The following DRC8 variants were observed in gnomAD, a reference collection of about 807,000 sequenced individuals.
DRC8 encodes the protein dynein regulatory complex subunit 8.
At chr1:245,100,706 T>G in the DRC8 span, among the ~76,000 whole-genome samples, 2 of 151,396 alleles carry the variant, frequency 1.3e-5, no homozygotes, top group South Asian at 4.2e-4. Context: ...ACCTGATCCT[T>G]GGGAGGTTGA....
At chr1:244,981,311 A>G in the DRC8 span, among the ~76,000 whole-genome samples, 1 of 152,306 alleles carries the variant, frequency 6.6e-6, no homozygotes, top group African/African-American at 2.4e-5. Context: ...TGAAAGCACA[A>G]TTGCAAAATC....
chr1:245,113,468 A>C, the DRC8 span, among the ~76,000 whole-genome samples: 1 of 152,186 alleles, frequency 6.6e-6, no homozygotes, highest in Non-Finnish European at 1.5e-5. Flanking sequence ...TGTGCTCTGC[A>C]CTGTGCTAAG....
chr1:245,109,997 C>A, the DRC8 span, among the ~76,000 whole-genome samples: 1 of 152,186 alleles, frequency 6.6e-6, no homozygotes, highest in Non-Finnish European at 1.5e-5. Context: ...TCTGACTTCC[C>A]TTTTAAACCA....
chr1:245,045,058 C>T, the DRC8 span, among the ~76,000 whole-genome samples: 2 of 152,154 alleles, frequency 1.3e-5, no homozygotes, highest in East Asian at 1.9e-4. Context: ...CCCAGGCTGC[C>T]GTGTGATGGC....
At chr1:245,116,912 G>GACATATCAGAT in the DRC8 span, among the ~76,000 whole-genome samples, 1 of 152,160 alleles carries the variant, frequency 6.6e-6, no homozygotes, top group Non-Finnish European at 1.5e-5. Flanking sequence ...GATTTTATCT[G>GACATATCAGAT]ACATTCAGAA....
chr1:245,056,817 G>A, the DRC8 span, among the ~76,000 whole-genome samples: 5 of 150,966 alleles, frequency 3.3e-5, no homozygotes, highest in Non-Finnish European at 5.9e-5. Context: ...CATGCCTGTA[G>A]TCCCAGCTAC....
the DRC8 span, among the ~76,000 whole-genome samples, chr1:245,116,583 C>T: frequency 1.3e-5 from 2 of 152,104 alleles, no homozygotes. Flanking sequence ...AAGAAACTCT[C>T]CAGGGCAAGA....
At chr1:245,029,818 A>AC in the DRC8 span, among the ~76,000 whole-genome samples, 1 of 148,796 alleles carries the variant, frequency 6.7e-6, no homozygotes, top group Non-Finnish European at 1.5e-5. Context: ...CTGGTCTCGA[A>AC]CTCCTGGCCT....
chr1:245,029,446 CG>C, the DRC8 span, among the ~76,000 whole-genome samples: 2 of 149,444 alleles, frequency 1.3e-5, no homozygotes, highest in East Asian at 4.0e-4. Flanking sequence ...TACAGGCACC[CG>C]CCACCATGCT....
At chr1:245,027,365 G>T in the DRC8 span, among the ~76,000 whole-genome samples, 1 of 152,012 alleles carries the variant, frequency 6.6e-6, no homozygotes, top group Non-Finnish European at 1.5e-5. Flanking sequence ...GAAAGGAAAG[G>T]AAGGAAAAAG....
At chr1:245,010,536 T>C in the DRC8 span, among the ~76,000 whole-genome samples, 1 of 152,136 alleles carries the variant, frequency 6.6e-6, no homozygotes, top group African/African-American at 2.4e-5. Context: ...CGTGCCCTGG[T>C]CCCCCTGTGG....
the DRC8 span, among the ~76,000 whole-genome samples, chr1:245,004,052 C>T: frequency 6.6e-5 from 10 of 151,870 alleles, no homozygotes; most frequent in Admixed American, 1.3e-4. Context: ...ATATTTTACT[C>T]GTAGAGTATT....
chr1:244,993,662 A>G, the DRC8 span, among the ~76,000 whole-genome samples: 1 of 152,202 alleles, frequency 6.6e-6, no homozygotes, highest in Admixed American at 6.5e-5. Context: ...TTTATTTCTC[A>G]CATTTCTGGA....
chr1:245,066,466 T>G, the DRC8 span, among the ~76,000 whole-genome samples: 71,429 of 152,022 alleles, frequency 0.47, 17,018 homozygotes, highest in African/African-American at 0.51. Context: ...AAATATTAAG[T>G]GTAACTACAA....
At chr1:244,970,209 TC>T in the DRC8 span, 2 of 748,990 alleles carry the variant, frequency 2.7e-6, no homozygotes, top group Admixed American at 2.1e-5. Context: ...CCTCTGGTCT[TC>T]CCCCAGCGCG....
chr1:245,084,954 T>G, the DRC8 span, among the ~76,000 whole-genome samples: 2,387 of 152,322 alleles, frequency 0.016, 23 homozygotes, highest in Middle Eastern at 0.031. Flanking sequence ...GTTACGACTT[T>G]CAAAGCATCA....
chr1:245,115,541 G>A, the DRC8 span, among the ~76,000 whole-genome samples: 1 of 152,220 alleles, frequency 6.6e-6, no homozygotes, highest in South Asian at 2.1e-4. Context: ...ACTCTGACAT[G>A]TAGGACTCAT....
chr1:245,000,216 A>C, the DRC8 span, among the ~76,000 whole-genome samples: 2 of 152,264 alleles, frequency 1.3e-5, no homozygotes, highest in Non-Finnish European at 2.9e-5. Flanking sequence ...AATAAAAGTT[A>C]TGTGACTGGT....
the DRC8 span, among the ~76,000 whole-genome samples, chr1:244,984,969 G>C: frequency 6.6e-6 from 1 of 151,150 alleles, no homozygotes; most frequent in Non-Finnish European, 1.5e-5. Context: ...CTGTAAATCT[G>C]GTTATTGGTT....
Sources: gnomAD v4.1 joint callset for allele counts (sites outside exome capture counted in the v4.1 genomes callset) on GRCh38, gnomAD v4.1.1 for gene constraint, MANE v1.5 for transcripts, NCBI Gene and HGNC (gene_info 2026-07-23, HGNC 2026-07-21) for gene names.